RYR2: variants seen among roughly 807,000 people sequenced by gnomAD.
RYR2 encodes the protein cardiac muscle ryanodine receptor-calcium release channel.
RYR2 carries 227 observed loss-of-function variants against 601.1 expected under a neutral mutation model. The ratio of observed to expected loss-of-function variants is 0.38; its 90% confidence interval spans 0.34 to 0.42. RYR2 has a LOEUF of 0.42. Among genes scored for constraint, RYR2 ranks in the 10% least tolerant of loss-of-function variants. RYR2 has a pLI of 1.00. For synonymous variants in RYR2, 2,223 were observed against 2,175.1 expected, an observed-to-expected ratio of 1.02 and a Z score of -0.61; for missense variants, 4,646 against 6,156.5, an observed-to-expected ratio of 0.75 and a Z score of 8.21.
intron 77 of RYR2, among the ~76,000 whole-genome samples, chr1:237,731,506 C>G (rs1457079763): frequency 1.3e-5 from 2 of 152,094 alleles, no homozygotes; most frequent in African/African-American, 4.8e-5. Context: ...ATTTGCACTG[C>G]TATGGGAACT....
intron 1 of RYR2, among the ~76,000 whole-genome samples, chr1:237,095,362 G>A (rs1048790153): frequency 5.3e-5 from 8 of 152,124 alleles, no homozygotes; most frequent in Non-Finnish European, 7.3e-5. Context: ...TGGCAGGGCC[G>A]TGCAGCACTG....
At chr1:237,150,413 C>A (rs542254220) in intron 1 of RYR2, among the ~76,000 whole-genome samples, 2 of 152,140 alleles carry the variant, frequency 1.3e-5, no homozygotes, top group African/African-American at 4.8e-5. Flanking sequence ...TCTTGGAAAA[C>A]AAGTTTCTAG....
intron 99 of RYR2, among the ~76,000 whole-genome samples, chr1:237,808,565 C>T (rs987883314): frequency 1.1e-4 from 17 of 150,700 alleles, no homozygotes; most frequent in Admixed American, 5.3e-4. Context: ...GAGGCTGAGG[C>T]AGGAGAATCG....
At chr1:237,541,071 A>G (rs1435290463) in intron 25 of RYR2, among the ~76,000 whole-genome samples, 5 of 152,244 alleles carry the variant, frequency 3.3e-5, no homozygotes, top group African/African-American at 1.2e-4. Context: ...ACCTCAGTGA[A>G]AAATGGTTTA....
At chr1:237,296,991 A>G (rs1018515445) in intron 2 of RYR2, among the ~76,000 whole-genome samples, 5 of 152,208 alleles carry the variant, frequency 3.3e-5, no homozygotes, top group African/African-American at 1.2e-4. Context: ...TGGTAACTCT[A>G]TTTTGTTGCT....
intron 1 of RYR2, among the ~76,000 whole-genome samples, chr1:237,246,493 C>A (rs1686853260): frequency 6.6e-6 from 1 of 152,082 alleles, no homozygotes; most frequent in Non-Finnish European, 1.5e-5. Context: ...TTTCCCATTT[C>A]TTTTCATGGG....
intron 10 of RYR2, among the ~76,000 whole-genome samples, chr1:237,411,182 C>T (rs1057157796): frequency 6.6e-6 from 1 of 152,126 alleles, no homozygotes; most frequent in Non-Finnish European, 1.5e-5. Context: ...TTGACTGCAA[C>T]CTCACAAGAG....
At position 237,543,549 on chromosome 1, in the gene RYR2, T is replaced by A. The variant is rs78577126; in HGVS notation, c.2907-4882T>A. Among the ~76,000 whole-genome samples the A allele has an allele frequency of 4.3e-3, 654 of 152,330 alleles. 5 individuals are homozygous for A. The highest frequency in any genetic ancestry group is 0.015 in the African/African-American group (612 of 41,582). ...CTGAGATTTCTCATTTGTTCCAAGGTACTTGAAGGGCTGATTTGGCTTTGA... is the reference window on the plus strand; with the variant it reads ...CTGAGATTTCTCATTTGTTCCAAGGAACTTGAAGGGCTGATTTGGCTTTGA... On this transcript the variant is annotated intron_variant, in intron 25 of 104. Coordinates refer to ENST00000366574, the MANE Select transcript of RYR2 (RefSeq NM_001035.3).
chr1:237,741,998 T>G (rs559331738), intron 79 of RYR2, among the ~76,000 whole-genome samples: 1 of 152,332 alleles, frequency 6.6e-6, no homozygotes. Context: ...GCAGTTTGGT[T>G]TGAATGAGGC....
intron 80 of RYR2, 129 bp from the exon 81 acceptor site, chr1:237,756,159 G>A (rs531640229): frequency 4.2e-5 from 24 of 569,242 alleles, no homozygotes; most frequent in East Asian, 3.0e-4. Context: ...GAAGAACATC[G>A]TTGGTGTTGA....
At position 237,590,739 on chromosome 1, in the gene RYR2, C is replaced by T. The variant is rs774403167; in HGVS notation, c.3907C>T (p.Arg1303Cys). 3 of 1,613,044 alleles carry T rather than the reference C, an allele frequency of 1.9e-6. No homozygotes were observed. The highest frequency in any genetic ancestry group is 1.3e-5 in the African/African-American group (1 of 74,894). Residue 1303 changes from arginine to cysteine, a missense_variant, in exon 31 of 105, where the codon CGC (arginine) becomes TGC (cysteine). Arg to Cys is a radical substitution (Grantham distance 180, BLOSUM62 -3). Coordinates refer to ENST00000366574, the MANE Select transcript of RYR2 (RefSeq NM_001035.3). ...CAGCAACACTGATATCATGTTTTAT[C>T]GCCTGAGCATGCCGATCGAGTGCGC... ...QNSNTDIMFY[R>C]LSMPIECAEV...
chr1:237,283,090 C>T (rs1335306798), intron 2 of RYR2, among the ~76,000 whole-genome samples: 1 of 152,186 alleles, frequency 6.6e-6, no homozygotes, highest in African/African-American at 2.4e-5. Flanking sequence ...TTTGGATATA[C>T]TCTGTTCTCG....
intron 25 of RYR2, among the ~76,000 whole-genome samples, chr1:237,540,703 G>A (rs916736310): frequency 4.1e-5 from 6 of 147,540 alleles, no homozygotes; most frequent in Admixed American, 6.8e-5. Context: ...GTGAAACTCC[G>A]TTTCAAAATA....
chr1:237,786,227 GC>G (rs1367468316), intron 91 of RYR2, among the ~76,000 whole-genome samples, 191 bp downstream of exon 91: 1 of 152,098 alleles, frequency 6.6e-6, no homozygotes, highest in African/African-American at 2.4e-5. Flanking sequence ...CACTGTAGAC[GC>G]CCCCGGGGCT....
At chr1:237,118,916 G>A (rs906904557) in intron 1 of RYR2, among the ~76,000 whole-genome samples, 5 of 151,268 alleles carry the variant, frequency 3.3e-5, no homozygotes, top group South Asian at 2.1e-4. Context: ...CCTAATTCAC[G>A]TGAAAAAGGA....
At chr1:237,631,839 A>C (rs112282732) in intron 42 of RYR2, among the ~76,000 whole-genome samples, 1 of 147,006 alleles carries the variant, frequency 6.8e-6, no homozygotes, top group Non-Finnish European at 1.5e-5. Context: ...TGTGTTAGCC[A>C]GGATGGTCTC....
chr1:237,633,841 C>A (rs1680590815), intron 43 of RYR2, 131 bp downstream of exon 43: 1 of 883,152 alleles, frequency 1.1e-6, no homozygotes, highest in Non-Finnish European at 1.6e-6. Context: ...AGATAGTTGG[C>A]CAATAGGTAT....
At chr1:237,751,168 C>A (rs1692506070) in intron 80 of RYR2, among the ~76,000 whole-genome samples, 1 of 152,164 alleles carries the variant, frequency 6.6e-6, no homozygotes, top group South Asian at 2.1e-4. Flanking sequence ...CCCAAGTTTT[C>A]TTCTTGTTCT....
At chr1:237,213,746 T>C (rs867125638) in intron 1 of RYR2, among the ~76,000 whole-genome samples, 6 of 152,006 alleles carry the variant, frequency 3.9e-5, no homozygotes, top group Non-Finnish European at 7.4e-5. Context: ...GTTTATCTCA[T>C]CTGATCTATA....
Sources: gnomAD v4.1 joint callset for allele counts (sites outside exome capture counted in the v4.1 genomes callset) on GRCh38, gnomAD v4.1.1 for gene constraint, MANE v1.5 for transcripts, NCBI Gene and HGNC (gene_info 2026-07-23, HGNC 2026-07-21) for gene names.